ASIC2: variants seen among roughly 807,000 people sequenced by gnomAD.
ASIC2 encodes the protein acid sensing ion channel subunit 2, also known as acid-sensing ion channel 2.
In ASIC2, 25 loss-of-function variants were observed where a neutral mutation model predicts 57.3. The observed-to-expected ratio is 0.44, with a 90% CI of 0.32 to 0.61. The LOEUF is 0.61. ASIC2 is among the 20% of genes least tolerant of loss of function. ASIC2 has a pLI of 0.06. For missense variants in ASIC2, 641 were observed against 738.1 expected, an observed-to-expected ratio of 0.87 and a Z score of 1.52; for synonymous variants, 319 against 307.5, an observed-to-expected ratio of 1.04 and a Z score of -0.39.
At position 33,868,195 on chromosome 17, in the gene ASIC2, ATGTG is replaced by A. The variant is rs3071204; in HGVS notation, c.555+287779_555+287782del. On this transcript the variant is annotated intron_variant, in intron 1 of 9. Transcript: ENST00000359872. ...TCAACAAATGTATGTGTGTGTGTGT[ATGTG>A]TGTGTGTGTGTGTGTGTGTGAAGGA... Among the ~76,000 whole-genome samples, 44 of 140,014 alleles carry A rather than the reference ATGTG, an allele frequency of 3.1e-4. 1 individual carries two copies. Among genetic ancestry groups the A allele is most frequent in the African/African-American group, 7.3e-4 (29 of 39,518 alleles). 91.9% of individuals were successfully genotyped at this position (140,014 alleles called of 152,430 possible).
intron 1 of ASIC2, chr17:34,005,780 C>A (rs1219804432): frequency 6.6e-6 from 1 of 152,200 alleles, no homozygotes; most frequent in Admixed American, 6.5e-5. Context: ...AGTTGTGTAC[C>A]CTGATGCTGT....
At chr17:34,143,536 CA>C (rs1469504802) in intron 1 of ASIC2, among the ~76,000 whole-genome samples, 1 of 152,164 alleles carries the variant, frequency 6.6e-6, no homozygotes, top group Non-Finnish European at 1.5e-5. Flanking sequence ...GCCTTTTTTG[CA>C]TGCATCTGGT....
At chr17:33,662,493 G>T (rs1209600298) in intron 1 of ASIC2, among the ~76,000 whole-genome samples, 13 of 151,176 alleles carry the variant, frequency 8.6e-5, no homozygotes, top group Admixed American at 8.6e-4. Flanking sequence ...TGGTGGGGGG[G>T]GCACCTGTAA....
intron 1 of ASIC2, among the ~76,000 whole-genome samples, chr17:33,844,139 C>T (rs914040422): frequency 1.3e-5 from 2 of 152,136 alleles, no homozygotes; most frequent in African/African-American, 4.8e-5. Flanking sequence ...CTGAGAACTA[C>T]ACAAAAGTGT....
chr17:33,990,752 T>A (rs942155504), intron 1 of ASIC2, among the ~76,000 whole-genome samples: 1 of 152,078 alleles, frequency 6.6e-6, no homozygotes, highest in African/African-American at 2.4e-5. Flanking sequence ...GCAAGAGGCA[T>A]AAAGGGTGCA....
intron 1 of ASIC2, among the ~76,000 whole-genome samples, chr17:33,799,053 T>C (rs2002324): frequency 0.69 from 104,431 of 152,122 alleles, 36,656 homozygotes; most frequent in Non-Finnish European, 0.77. Flanking sequence ...GAGGCCCCAG[T>C]GGGGTAGGAG....
At chr17:33,428,727 G>A (rs566907712) in intron 1 of ASIC2, among the ~76,000 whole-genome samples, 9 of 152,224 alleles carry the variant, frequency 5.9e-5, no homozygotes, top group South Asian at 2.1e-4. Context: ...CAGGTGTGCC[G>A]GATGCCCACT....
intron 1 of ASIC2, among the ~76,000 whole-genome samples, chr17:33,436,147 T>A (rs1911599736): frequency 6.6e-6 from 1 of 152,244 alleles, no homozygotes; most frequent in African/African-American, 2.4e-5. Context: ...TAGGCCAGGC[T>A]ATTTAGTTTA....
At chr17:33,475,770 G>T (rs147090041) in intron 1 of ASIC2, among the ~76,000 whole-genome samples, 92 of 152,284 alleles carry the variant, frequency 6.0e-4, no homozygotes, top group African/African-American at 2.0e-3. Flanking sequence ...GGCCTTATCT[G>T]AAACAGAAGC....
Position 33,030,886 on chromosome 17 carries a change from C to T in ASIC2, c.988-2494G>A, listed in dbSNP as rs190997017. ...CACTTAGTCATAATTTATTATCCGC[C>T]TTATATGTTGCTCTATTCAATTTGC... On this transcript the variant is annotated intron_variant, in intron 3 of 9. Transcript: ENST00000225823. 7.2e-5 allele frequency among the ~76,000 whole-genome samples: 11 copies of T among 152,208 alleles called. No individual in the cohort carries two copies. In the East Asian group the frequency reaches 2.1e-3, roughly 29 times the overall value.
chr17:34,097,794 A>G (rs1395220333), intron 1 of ASIC2, among the ~76,000 whole-genome samples: 4 of 152,126 alleles, frequency 2.6e-5, no homozygotes, highest in African/African-American at 7.2e-5. Flanking sequence ...AATACTGTGT[A>G]TCTCACTTTA....
At chr17:33,402,666 T>C (rs1275644262) in intron 1 of ASIC2, among the ~76,000 whole-genome samples, 1 of 152,248 alleles carries the variant, frequency 6.6e-6, no homozygotes, top group African/African-American at 2.4e-5. Context: ...ATGTACCACA[T>C]TGTCTTTATC....
At chr17:33,573,942 A>C (rs1393001718) in intron 1 of ASIC2, among the ~76,000 whole-genome samples, 1 of 152,062 alleles carries the variant, frequency 6.6e-6, no homozygotes, top group East Asian at 1.9e-4. Context: ...CTCAACATCA[A>C]GTTTCTGGTA....
intron 1 of ASIC2, chr17:34,039,877 A>ACTGCCG (rs1163677426): frequency 6.3e-7 from 1 of 1,597,608 alleles, no homozygotes; most frequent in Non-Finnish European, 8.6e-7. Flanking sequence ...CATCATTTCT[A>ACTGCCG]CTGCCGCCGC....
chr17:33,549,217 C>T (rs1270422601), intron 1 of ASIC2, among the ~76,000 whole-genome samples: 4 of 152,164 alleles, frequency 2.6e-5, no homozygotes, highest in African/African-American at 9.6e-5. Flanking sequence ...TCTGAAGGTC[C>T]TTTTAGCGCG....
intron 1 of ASIC2, among the ~76,000 whole-genome samples, chr17:33,113,881 CT>C (rs2092270194): frequency 6.6e-6 from 1 of 152,226 alleles, no homozygotes; most frequent in Admixed American, 6.5e-5. Context: ...CACATGTGCC[CT>C]TTCTGCTGTG....
At chr17:33,689,534 T>A (rs1908301025) in intron 1 of ASIC2, among the ~76,000 whole-genome samples, 1 of 152,204 alleles carries the variant, frequency 6.6e-6, no homozygotes, top group African/African-American at 2.4e-5. Context: ...TCTCCACTTC[T>A]ACCCCTGCCC....
At chr17:34,039,921 A>C in intron 1 of ASIC2, 1 of 1,495,698 alleles carries the variant, frequency 6.7e-7, no homozygotes, top group Non-Finnish European at 9.3e-7. Context: ...CCCTGGAGGG[A>C]CCCCGACCCG....
At chr17:33,374,142 C>G (rs544430703) in intron 1 of ASIC2, among the ~76,000 whole-genome samples, 1 of 151,844 alleles carries the variant, frequency 6.6e-6, no homozygotes, top group South Asian at 2.1e-4. Context: ...ATTACAGGTG[C>G]GCACCACCCA....
Sources: gnomAD v4.1 joint callset for allele counts (sites outside exome capture counted in the v4.1 genomes callset) on GRCh38, gnomAD v4.1.1 for gene constraint, MANE v1.5 for transcripts, NCBI Gene and HGNC (gene_info 2026-07-23, HGNC 2026-07-21) for gene names.